Variants in TENM1 observed in about 807,000 individuals in gnomAD.
TENM1 encodes teneurin-1.
TENM1 carries 35 observed loss-of-function variants against 174.8 expected under a neutral mutation model. The observed-to-expected ratio is 0.20, with a 90% CI of 0.15 to 0.27. The LOEUF is 0.27. Among genes scored for constraint, TENM1 ranks in the 10% least tolerant of loss-of-function variants. The probability of loss-of-function intolerance (pLI) is 1.00; values close to 1 mark genes in which losing one functional copy is unlikely to be tolerated. For missense variants in TENM1, 1,633 were observed against 2,130.1 expected, an observed-to-expected ratio of 0.77 and a Z score of 4.59; for synonymous variants, 781 against 798.7, an observed-to-expected ratio of 0.98 and a Z score of 0.37.
chrX:124,585,140 T>C (rs1453980204), intron 11 of TENM1, among the ~76,000 whole-genome samples: 12 of 110,678 alleles, frequency 1.1e-4, no homozygotes, highest in Admixed American at 7.7e-4. Context: ...GACAGAAAGT[T>C]AACAAGCATA....
In TENM1 at chrX:124,754,415, T is replaced by C. The variant is rs1416272056; in HGVS notation, c.536-17218A>G. On this transcript the variant is annotated intron_variant, in intron 3 of 31. Transcript: ENST00000422452. Reference sequence around the variant, plus strand: ...TAGTCTTGCTAGCGGTCTATCAATTTTGTTGATCCTATCAAAACACCAGCT... The same window carrying C: ...TAGTCTTGCTAGCGGTCTATCAATTCTGTTGATCCTATCAAAACACCAGCT... Among the ~76,000 whole-genome samples the C allele has an allele frequency of 2.7e-5, 3 of 111,726 alleles. No individual in the cohort carries two copies. In the East Asian group the frequency reaches 8.4e-4, roughly 31 times the overall value.
At chrX:124,412,323 C>T (rs1158613241) in intron 25 of TENM1, among the ~76,000 whole-genome samples, 1 of 112,804 alleles carries the variant, frequency 8.9e-6, no homozygotes, top group Non-Finnish European at 1.9e-5. Context: ...AGAATCCATT[C>T]TTGTCCTTGA....
In TENM1 at chrX:124,704,951, C is replaced by T. The variant is rs1417071157; in HGVS notation, c.1015+62G>A. The T allele has an allele frequency of 1.1e-5, 10 of 934,728 alleles. No homozygotes were observed. In the East Asian group the frequency reaches 3.1e-4, roughly 29 times the overall value. The allele number at this position is 934,728 out of a possible 1,213,427, so 77.0% of individuals were successfully genotyped here. A position where few individuals can be genotyped will look rare whatever the true frequency, so the allele number is the denominator to read the frequency against. ...AATCGAGAGAAAAACCCCCCATTCC[C>T]ACCACAAGCAAAACAAGACTTTGAT... is the stretch of plus-strand genomic sequence containing the variant. On this transcript the variant is annotated intron_variant, in intron 5 of 31. Coordinates refer to ENST00000422452, the Ensembl canonical transcript of TENM1.
chrX:124,982,760 C>T, the TENM1 span, among the ~76,000 whole-genome samples: 4 of 112,078 alleles, frequency 3.6e-5, no homozygotes, highest in African/African-American at 1.3e-4. Flanking sequence ...TCTTGCCTTA[C>T]ATGCCAATGA....
At chrX:124,385,121 G>T (rs2060203967) in intron 29 of TENM1, among the ~76,000 whole-genome samples, 1 of 112,189 alleles carries the variant, frequency 8.9e-6, no homozygotes. Context: ...ACATCCAGTA[G>T]CCCAGGGTGA....
At chrX:124,765,255 G>A (rs2054514789) in intron 3 of TENM1, among the ~76,000 whole-genome samples, 1 of 111,881 alleles carries the variant, frequency 8.9e-6, no homozygotes, top group Non-Finnish European at 1.9e-5. Context: ...TTCAGATTTT[G>A]GACATGCACG....
chrX:124,722,535 TGAGGATTAATAAA>T (rs2148523056), intron 4 of TENM1, among the ~76,000 whole-genome samples: 1 of 111,017 alleles, frequency 9.0e-6, no homozygotes, highest in Non-Finnish European at 1.9e-5. Flanking sequence ...CTCCCAAAGG[TGAGGATTAATAAA>T]TCCCCAGCTC....
At chrX:124,595,792 C>T (rs2049877137) in intron 11 of TENM1, among the ~76,000 whole-genome samples, 1 of 111,459 alleles carries the variant, frequency 9.0e-6, no homozygotes, top group African/African-American at 3.2e-5. Flanking sequence ...TTATACTTTC[C>T]TTGCATTTTT....
intron 11 of TENM1, 126 bp downstream of exon 14, chrX:124,641,665 A>C: frequency 3.4e-6 from 2 of 582,500 alleles, no homozygotes. Flanking sequence ...CTAACCTAGG[A>C]CATACCTGGA....
At chrX:125,134,650 C>T in the TENM1 span, among the ~76,000 whole-genome samples, 1 of 111,920 alleles carries the variant, frequency 8.9e-6, no homozygotes, top group East Asian at 2.8e-4. Context: ...ATGCATCATT[C>T]TGTCCCTCCA....
chrX:124,484,026 T>A (rs1173296217), intron 21 of TENM1, among the ~76,000 whole-genome samples: 6 of 112,383 alleles, frequency 5.3e-5, no homozygotes, highest in African/African-American at 1.9e-4. Context: ...TTAGTCGTCA[T>A]GTCTTCTTAG....
At chrX:124,827,554 T>G (rs952700647) in intron 3 of TENM1, among the ~76,000 whole-genome samples, 13 of 111,603 alleles carry the variant, frequency 1.2e-4, no homozygotes, top group Non-Finnish European at 2.3e-4. Context: ...AAATTTTGCT[T>G]GAGGGCCCTA....
At chrX:124,385,311 G>A (rs1294680291) in intron 29 of TENM1, among the ~76,000 whole-genome samples, 4 of 112,100 alleles carry the variant, frequency 3.6e-5, no homozygotes, top group Non-Finnish European at 7.5e-5. Context: ...AAGATATTTT[G>A]TCATCAACTG....
chrX:124,839,137 A>T (rs2056448289), intron 3 of TENM1, among the ~76,000 whole-genome samples: 1 of 112,124 alleles, frequency 8.9e-6, no homozygotes, highest in Admixed American at 9.5e-5. Context: ...GCCTTTATCG[A>T]CCTGAAAAAA....
intron 11 of TENM1, among the ~76,000 whole-genome samples, chrX:124,590,377 A>G (rs935887120): frequency 6.4e-5 from 7 of 109,926 alleles, no homozygotes; most frequent in Non-Finnish European, 1.1e-4. Flanking sequence ...ACTCCCATTC[A>G]CAATTGCTTC....
intron 23 of TENM1, among the ~76,000 whole-genome samples, chrX:124,450,330 C>A (rs750941211): frequency 9.8e-5 from 10 of 101,549 alleles, no homozygotes; most frequent in Admixed American, 2.2e-4. Flanking sequence ...ACTGCACTCC[C>A]GCCTGGGCCA....
At chrX:125,178,732 A>G in the TENM1 span, among the ~76,000 whole-genome samples, 2 of 111,531 alleles carry the variant, frequency 1.8e-5, no homozygotes, top group African/African-American at 6.5e-5. Flanking sequence ...TCACTGATCT[A>G]TACTATAAAA....
At chrX:125,048,238 G>C in the TENM1 span, among the ~76,000 whole-genome samples, 4 of 97,708 alleles carry the variant, frequency 4.1e-5, no homozygotes, top group Non-Finnish European at 8.1e-5. Context: ...ATGCTGTTTC[G>C]AAGCATTTTT....
At chrX:125,102,290 CTCT>C in the TENM1 span, among the ~76,000 whole-genome samples, 1 of 107,833 alleles carries the variant, frequency 9.3e-6, no homozygotes, top group Non-Finnish European at 1.9e-5. Context: ...ACTTCTTTGC[CTCT>C]TCTTTCTGCA....
Sources: gnomAD v4.1 joint callset for allele counts (sites outside exome capture counted in the v4.1 genomes callset) on GRCh38, gnomAD v4.1.1 for gene constraint, MANE v1.5 for transcripts, NCBI Gene and HGNC (gene_info 2026-07-23, HGNC 2026-07-21) for gene names.